Variants in CARS2 observed in about 807,000 individuals in gnomAD.
The protein encoded by CARS2 is cysteinyl-tRNA synthetase 2, mitochondrial.
A neutral mutation model predicts 68.8 loss-of-function variants in CARS2; 52 were observed. That is an observed-to-expected ratio of 0.76 (90% CI 0.61 to 0.95). The LOEUF is 0.95. Among genes scored for constraint, CARS2 ranks in the 40% least tolerant of loss-of-function variants. The probability of loss-of-function intolerance (pLI) is 0.00; values close to 1 mark genes in which losing one functional copy is unlikely to be tolerated. For synonymous variants in CARS2, 314 were observed against 303.6 expected (o/e 1.03, Z -0.36); for missense variants, 780 against 754.2 (o/e 1.03, Z -0.40).
At chr13:110,672,427 A>C (rs2062827756) in intron 7 of CARS2, among the ~76,000 whole-genome samples, 2 of 152,212 alleles carry the variant, frequency 1.3e-5, no homozygotes, top group Admixed American at 1.3e-4. Context: ...AAAACCTCTC[A>C]ACTACATGGA....
chr13:110,660,086 C>A (rs2062463828), intron 9 of CARS2, among the ~76,000 whole-genome samples: 1 of 152,214 alleles, frequency 6.6e-6, no homozygotes, highest in South Asian at 2.1e-4. Context: ...AGCATCTTCA[C>A]CAGGAGTAGA....
chr13:110,666,036 C>T (rs2062637315), intron 8 of CARS2: 2 of 985,174 alleles, frequency 2.0e-6, no homozygotes, highest in Admixed American at 6.2e-5. Flanking sequence ...CTCAGCCCCA[C>T]TATCTGGGCT....
At chr13:110,708,811 TGGCACGATCTC>T (rs58024646), upstream of CARS2, among the ~76,000 whole-genome samples, 95,448 of 151,498 alleles carry the variant, frequency 0.63, 31,843 homozygotes, top group South Asian at 0.77. Context: ...TGGAGTGCAG[TGGCACGATCTC>T]GGCTCACTGC....
chr13:110,675,511 G>C (rs1356144725), intron 7 of CARS2, among the ~76,000 whole-genome samples: 5 of 152,070 alleles, frequency 3.3e-5, no homozygotes, highest in Non-Finnish European at 7.4e-5. Flanking sequence ...TGAACAATGA[G>C]AACACTTGGA....
At position 110,642,486 on chromosome 13, in the gene CARS2, A is replaced by G. The variant is rs750129111; in HGVS notation, c.1452T>C (p.His484=). The G allele has an allele frequency of 4.3e-6, 7 of 1,610,256 alleles. No homozygotes were observed. Among genetic ancestry groups the G allele is most frequent in the Non-Finnish European group, 5.9e-6 (7 of 1,178,758 alleles). ...VSGDGSEATL[H]GVVDELVRFR... ...ACCGCACCAGCTCGTCCACCACACC[A>G]TGCAAGGTAGCCTCGCTGCCGTCTC... is the stretch of plus-strand genomic sequence containing the variant. The change falls in exon 14 of 15, where the codon CAT becomes CAC. Residue 484 remains histidine (H), a synonymous_variant. Transcript: ENST00000257347.
At position 110,712,530 on chromosome 13, in the gene CARS2, AG is replaced by A. The variant is rs144160325; in HGVS notation, n.399+606del. 3.2e-4 allele frequency: 78 copies of A among 246,696 alleles called. 3 individuals carry two copies. Among genetic ancestry groups the A allele is most frequent in the African/African-American group, 6.8e-4 (28 of 41,376 alleles). 15.3% of individuals were successfully genotyped at this position (246,696 alleles called of 1,614,324 possible). On this transcript the variant is annotated intron_variant and non_coding_transcript_variant, in intron 1 of 2. Transcript: ENST00000485188. The stretch of plus-strand genomic sequence containing the variant: ...AGGAGGGGCGGGCCCTTTGGCCGGA[AG>A]GGGGGGGGCCGGCGCGCGGGGCCGG...
At chr13:110,664,368 G>T (rs1266651119) in intron 8 of CARS2, 1 of 268,836 alleles carries the variant, frequency 3.7e-6, no homozygotes, top group Non-Finnish European at 5.7e-6. Flanking sequence ...AATTAGCTGG[G>T]CGTGGTGGGG....
upstream of CARS2, chr13:110,706,229 A>T (rs918765482): frequency 2.9e-5 from 16 of 550,652 alleles, no homozygotes; most frequent in African/African-American, 3.0e-4. Context: ...AGCAGTCCTC[A>T]GGTAGCGCCT....
rs909726930 is a variant in CARS2, at chr13:110,683,287, G to A, written c.572-153C>T. The A allele has an allele frequency of 8.3e-6, 4 of 484,808 alleles. No individual in the cohort carries two copies. The Admixed American group carries it at 1.3e-4, about 15-fold the overall frequency. 30.0% of individuals were successfully genotyped at this position (484,808 alleles called of 1,614,324 possible). On this transcript the variant is annotated intron_variant, in intron 5 of 14. Transcript: ENST00000257347. ...TAGTATTTATATTTTTATAGACAGG[G>A]TCTTGCTGTTGCTCAGGCTGGAGTG...
intron 6 of CARS2, among the ~76,000 whole-genome samples, chr13:110,680,207 C>G (rs1179513939): frequency 6.7e-6 from 1 of 149,590 alleles, no homozygotes; most frequent in African/African-American, 2.5e-5. Context: ...GCCTGGCCAA[C>G]ACGGCAAAAC....
upstream of CARS2, chr13:110,706,255 C>T: frequency 2.3e-6 from 1 of 429,872 alleles, no homozygotes; most frequent in Non-Finnish European, 3.7e-6. Context: ...TGGCCTGGCT[C>T]GAGTCGCCCG....
At chr13:110,651,002 G>C (rs769930280) in intron 10 of CARS2, 32 bp downstream of exon 10, 38 of 1,540,170 alleles carry the variant, frequency 2.5e-5, no homozygotes, top group Middle Eastern at 1.7e-4. Context: ...CCGAGCTGGG[G>C]GGGGAGTCCA....
rs1594298952 is a variant in CARS2 at position 110,668,090 on chromosome 13, TGATA to T, written c.786-621_786-618del. ...AGCAGGCCGGTGGATTTTCTTAAAA[TGATA>T]GATAGAGAAATTTCTAAGGTGCCAA... On this transcript the variant is annotated intron_variant, in intron 7 of 14. Coordinates refer to ENST00000257347, the MANE Select transcript of CARS2 (RefSeq NM_024537.4). The surrounding 1 kb of genome is among the most constrained non-coding windows in gnomAD (Gnocchi z 4.1). Among the ~76,000 whole-genome samples the T allele has an allele frequency of 2.0e-5, 3 of 152,290 alleles. No individual in the cohort carries two copies. Among genetic ancestry groups the T allele is most frequent in the South Asian group, 2.1e-4 (1 of 4,826 alleles).
At chr13:110,712,523 G>A (rs2064040510) in intron 1 of CARS2, 3 of 263,068 alleles carry the variant, frequency 1.1e-5, no homozygotes, top group African/African-American at 7.3e-5. Flanking sequence ...CGGGCCCTTT[G>A]GCCGGAAGGG....
chr13:110,696,828 T>C (rs1055149451), intron 3 of CARS2, among the ~76,000 whole-genome samples: 7 of 152,232 alleles, frequency 4.6e-5, no homozygotes, highest in Non-Finnish European at 7.3e-5. Flanking sequence ...TTTACCACGC[T>C]GGCCACCTCC....
At chr13:110,652,331 G>A (rs1040209824) in intron 9 of CARS2, among the ~76,000 whole-genome samples, 1 of 152,260 alleles carries the variant, frequency 6.6e-6, no homozygotes, top group Non-Finnish European at 1.5e-5. Flanking sequence ...AGCCGGAAAC[G>A]GCGGAGTCCA....
exon 1 of CARS2, chr13:110,713,232 C>G: frequency 7.1e-7 from 1 of 1,408,732 alleles, no homozygotes; most frequent in Non-Finnish European, 9.2e-7. Flanking sequence ...TCGGGCCCTA[C>G]TTATACTGCT....
At position 110,642,752 on chromosome 13, in the gene CARS2, T is replaced by C. The variant is rs1181179678; in HGVS notation, c.1417-231A>G. 6.7e-6 allele frequency: 5 copies of C among 746,646 alleles called. No homozygotes were observed. In the African/African-American group the frequency reaches 8.5e-5, roughly 13 times the overall value. 46.3% of individuals were successfully genotyped at this position (746,646 alleles called of 1,614,324 possible). A position where few individuals can be genotyped will look rare whatever the true frequency, so the allele number is the denominator to read the frequency against. On this transcript the variant is annotated intron_variant, in intron 13 of 14. Transcript: ENST00000257347. ...CATCTGTCGTCCAAGCAAGGCTGAG[T>C]GATCCTCACTCGGGAGTTGGAAGAA...
intron 3 of CARS2, among the ~76,000 whole-genome samples, chr13:110,691,956 G>A (rs2063471493): frequency 7.8e-6 from 1 of 128,916 alleles, no homozygotes; most frequent in Admixed American, 9.2e-5. Context: ...GCAATCTATT[G>A]TAGGTCAATC....
Sources: allele counts gnomAD v4.1 joint callset (sites outside exome capture counted in the v4.1 genomes callset), GRCh38; gene constraint gnomAD v4.1.1; non-coding constraint Gnocchi (gnomAD v3.1); transcripts MANE v1.5; gene names NCBI Gene and HGNC (gene_info 2026-07-23, HGNC 2026-07-21).